PIK3R5: variants seen among roughly 807,000 people sequenced by gnomAD.
The protein encoded by PIK3R5 is phosphoinositide 3-kinase regulatory subunit 5.
In PIK3R5, 32 loss-of-function variants were observed where a neutral mutation model predicts 94.9. That is an observed-to-expected ratio of 0.34 (90% CI 0.25 to 0.45). The LOEUF is 0.45. PIK3R5 is among the 20% of genes least tolerant of loss of function. The pLI is 1.00. For missense variants in PIK3R5, 853 were observed against 1,144.6 expected (o/e 0.75, Z 3.68); for synonymous variants, 443 against 479.4 (o/e 0.92, Z 0.99).
chr17:8,941,042 G>A (rs1399995037), intron 1 of PIK3R5, among the ~76,000 whole-genome samples: 1 of 152,314 alleles, frequency 6.6e-6, no homozygotes, highest in East Asian at 1.9e-4. Context: ...ACCCAGCAGG[G>A]AAGAACAACT....
At position 8,890,611 on chromosome 17, in the gene PIK3R5, C is replaced by T. The variant is rs1249632699; in HGVS notation, c.657+127G>A. 1 of 855,126 alleles carries T rather than the reference C, an allele frequency of 1.2e-6. No homozygotes were observed. The highest frequency in any genetic ancestry group is 2.7e-5 in the East Asian group (1 of 37,460). 53.0% of individuals were successfully genotyped at this position (855,126 alleles called of 1,614,324 possible). On this transcript the variant is annotated intron_variant, in intron 7 of 18. Transcript: ENST00000447110. This position sits in a 1 kb window ranked among gnomAD's most constrained non-coding sequence, Gnocchi z 6.1. ...TATGAGGTCAGCCCTCCAGCCACCA[C>T]CCTGCCATGTCACCTGGGTGCAGGA... is the stretch of plus-strand genomic sequence containing the variant.
chr17:8,952,985 T>C (rs2091402824), intron 1 of PIK3R5, among the ~76,000 whole-genome samples: 1 of 152,024 alleles, frequency 6.6e-6, no homozygotes, highest in East Asian at 1.9e-4. Context: ...CCTGGCAGAG[T>C]TGAGCCATGG....
At position 8,884,752 on chromosome 17, in the gene PIK3R5, G is replaced by A. The variant is rs746219029; in HGVS notation, c.2160C>T (p.Gly720=). The A allele has an allele frequency of 1.6e-5, 25 of 1,612,568 alleles. No individual in the cohort carries two copies. The highest frequency in any genetic ancestry group is 6.7e-5 in the East Asian group (3 of 44,852). The change falls in exon 15 of 19, where the codon GGC becomes GGT. Residue 720 remains glycine, a synonymous_variant. Coordinates refer to ENST00000447110, the MANE Select transcript of PIK3R5 (RefSeq NM_001142633.3). This position sits in a 1 kb window ranked among gnomAD's most constrained non-coding sequence, Gnocchi z 5.8. ...GPGSKRLGID[G]DREAVPLTLQ... ...GTGTTAGAGGAACAGCCTCCCGGTC[G>A]CCATCGATGCCCAGCCGCTTGCTGC...
Position 8,911,664 on chromosome 17 carries a change from C to A in PIK3R5, c.-13-157G>T. 1 of 583,364 alleles carries A rather than the reference C, an allele frequency of 1.7e-6. No homozygotes were observed. The highest frequency in any genetic ancestry group is 1.9e-5 in the African/African-American group (1 of 53,364). 36.1% of individuals were successfully genotyped at this position (583,364 alleles called of 1,614,324 possible). On this transcript the variant is annotated intron_variant, in intron 1 of 18. Coordinates refer to ENST00000447110, the MANE Select transcript of PIK3R5 (RefSeq NM_001142633.3). The surrounding 1 kb of genome is among the most constrained non-coding windows in gnomAD (Gnocchi z 5.3). Reference sequence around the variant, plus strand: ...ACAGGACCAGGGGCCTTACAGCTGCCTCCAGGGTAGGAATGGCATCTGGAG... The same window carrying A: ...ACAGGACCAGGGGCCTTACAGCTGCATCCAGGGTAGGAATGGCATCTGGAG...
At chr17:8,934,214 C>T (rs1213166158) in intron 1 of PIK3R5, among the ~76,000 whole-genome samples, 3 of 152,134 alleles carry the variant, frequency 2.0e-5, no homozygotes, top group African/African-American at 2.4e-5. Context: ...CTACCATTAG[C>T]GAATTTATCA....
chr17:8,947,798 C>T (rs1278265139), intron 1 of PIK3R5, among the ~76,000 whole-genome samples: 2 of 152,034 alleles, frequency 1.3e-5, no homozygotes, highest in South Asian at 2.1e-4. Flanking sequence ...AATCCCAGCA[C>T]TTTGGGAGGC....
rs373005932 is a variant in PIK3R5 at position 8,881,424 on chromosome 17, G to A, written c.2382+206C>T. 7.9e-5 allele frequency among the ~76,000 whole-genome samples: 12 copies of A among 151,590 alleles called. No individual in the cohort carries two copies. The highest frequency in any genetic ancestry group is 7.9e-4 in the Admixed American group (12 of 15,230). On this transcript the variant is annotated intron_variant, in intron 17 of 18. Coordinates refer to ENST00000447110, the MANE Select transcript of PIK3R5 (RefSeq NM_001142633.3). The surrounding 1 kb of genome is among the most constrained non-coding windows in gnomAD (Gnocchi z 4.8). Reference sequence around the variant, plus strand: ...CGACACCCCGCAACACTCCACACCTGTGTGCATCCCCAAATCATACCCCTC... The same window carrying A: ...CGACACCCCGCAACACTCCACACCTATGTGCATCCCCAAATCATACCCCTC...
chr17:8,948,062 AAAAAGAAAAG>A (rs796803392), intron 1 of PIK3R5, among the ~76,000 whole-genome samples: 47 of 146,152 alleles, frequency 3.2e-4, no homozygotes, highest in African/African-American at 1.2e-3. Context: ...AAAAAAAAAA[AAAAAGAAAAG>A]AAAAGAAAAG....
At chr17:8,964,111 C>A (rs1378935760) in intron 1 of PIK3R5, among the ~76,000 whole-genome samples, 1 of 152,164 alleles carries the variant, frequency 6.6e-6, no homozygotes, top group Non-Finnish European at 1.5e-5. Flanking sequence ...CCACACTGGG[C>A]CAGGCACAGT....
In PIK3R5 at chr17:8,890,912, G is replaced by A. The variant is rs1357630861; in HGVS notation, c.483C>T (p.Val161=). The change falls in exon 7 of 19, where the codon GTC becomes GTT. Residue 161 remains valine (V), a splice_region_variant and synonymous_variant. Transcript: ENST00000447110. This position sits in a 1 kb window ranked among gnomAD's most constrained non-coding sequence, Gnocchi z 6.1. ...LPIRSHRSST[V]TVLLLNPVEV... is the part of the protein sequence containing the mutation. ...CCACTGGGTTCAGCAGCAGCACGGT[G>A]CTGGGGACACAGGGGACCGGCTATG... 1.2e-6 allele frequency: 2 copies of A among 1,613,320 alleles called. No individual in the cohort carries two copies. The highest frequency in any genetic ancestry group is 1.3e-5 in the African/African-American group (1 of 75,066).
At chr17:8,942,018 G>C (rs2091190371) in intron 1 of PIK3R5, among the ~76,000 whole-genome samples, 1 of 152,180 alleles carries the variant, frequency 6.6e-6, no homozygotes, top group African/African-American at 2.4e-5. Flanking sequence ...GAGGCTCAGG[G>C]GGCCGGGTTT....
chr17:8,922,474 G>T (rs142687486), intron 1 of PIK3R5, among the ~76,000 whole-genome samples: 14 of 152,050 alleles, frequency 9.2e-5, no homozygotes, highest in African/African-American at 3.1e-4. Context: ...CCTATGGCCC[G>T]AGCTTGAAGT....
intron 1 of PIK3R5, among the ~76,000 whole-genome samples, chr17:8,930,563 G>A (rs2151440527): frequency 6.6e-6 from 1 of 152,294 alleles, no homozygotes. Context: ...ACGAAAACCT[G>A]TACATGAATG....
rs1057064690 is a variant in PIK3R5, at chr17:8,913,504, C to T, written c.-13-1997G>A. ...GGCGGATCACTTGAGGTCAGGATTT[C>T]GAATCCAGCCTGGCCAACATCTTGA... On this transcript the variant is annotated intron_variant, in intron 1 of 18. Transcript: ENST00000447110. 3.3e-5 allele frequency among the ~76,000 whole-genome samples: 5 copies of T among 152,142 alleles called. No homozygotes were observed. The East Asian group carries it at 5.8e-4, about 18-fold the overall frequency.
chr17:8,962,690 T>C (rs1434526067), intron 1 of PIK3R5, among the ~76,000 whole-genome samples: 1 of 152,236 alleles, frequency 6.6e-6, no homozygotes, highest in Non-Finnish European at 1.5e-5. Context: ...AATTGGAAGA[T>C]GCCATAAACA....
intron 5 of PIK3R5, among the ~76,000 whole-genome samples, chr17:8,902,743 T>C (rs1324966989): frequency 6.6e-6 from 1 of 152,178 alleles, no homozygotes; most frequent in African/African-American, 2.4e-5. Flanking sequence ...CTATTTTTCT[T>C]CTGTAGTTTT....
chr17:8,946,821 T>C (rs2091280508), intron 1 of PIK3R5, among the ~76,000 whole-genome samples: 1 of 152,034 alleles, frequency 6.6e-6, no homozygotes, highest in South Asian at 2.1e-4. Flanking sequence ...CCTGGCTCAC[T>C]CCTTCACTTG....
chr17:8,909,153 C>T lies in PIK3R5; in HGVS notation c.125G>A (p.Trp42Ter). The change falls in exon 3 of 19, where the codon TGG (tryptophan) becomes TAG (stop). Residue 42 changes from tryptophan to a stop codon, truncating the protein, a stop_gained. Transcript: ENST00000447110. LOFTEE classifies it high-confidence loss of function. The surrounding 1 kb of genome is among the most constrained non-coding windows in gnomAD (Gnocchi z 4.3). The stretch of plus-strand genomic sequence containing the variant: ...CCTGCTGACCAGCTCCTGCAGGCTC[C>T]AGCAGTTCAGACACAGCCCAGCTGG... ...SWSAGLCLNC[W>*]SLQELVSRDP... The T allele has an allele frequency of 1.2e-6, 2 of 1,603,020 alleles. No individual in the cohort carries two copies. The highest frequency in any genetic ancestry group is 1.7e-6 in the Non-Finnish European group (2 of 1,174,146).
chr17:8,922,084 C>A (rs116854238), intron 1 of PIK3R5, among the ~76,000 whole-genome samples: 5,969 of 151,606 alleles, frequency 0.039, 172 homozygotes, highest in Non-Finnish European at 0.055. Context: ...CAAAAACAAA[C>A]CACCCGATTT....
Sources: gnomAD v4.1 joint callset for allele counts (sites outside exome capture counted in the v4.1 genomes callset) on GRCh38, gnomAD v4.1.1 for gene constraint, Gnocchi (gnomAD v3.1) non-coding constraint, MANE v1.5 for transcripts, NCBI Gene and HGNC (gene_info 2026-07-23, HGNC 2026-07-21) for gene names.